The following PHF24 variants were observed in gnomAD, a reference collection of about 807,000 sequenced individuals.
PHF24 encodes Galpha inhibitory interacting protein.
In PHF24, 25 loss-of-function variants were observed where a neutral mutation model predicts 42.6. That is an observed-to-expected ratio of 0.59 (90% CI 0.43 to 0.82). The LOEUF (loss-of-function observed/expected upper bound fraction) is 0.82, where lower values mean the gene tolerates loss of function less well. Among genes scored for constraint, PHF24 ranks in the 40% least tolerant of loss-of-function variants. The pLI, the probability that PHF24 is intolerant of heterozygous loss-of-function variation, is 0.00. For missense variants in PHF24, 470 were observed against 538.1 expected, an observed-to-expected ratio of 0.87 and a Z score of 1.25; for synonymous variants, 185 against 204.8, an observed-to-expected ratio of 0.90 and a Z score of 0.83.
chr9:34,838,440 A>T, the PHF24 span: 2 of 1,312,008 alleles, frequency 1.5e-6, no homozygotes, highest in South Asian at 1.3e-5. Flanking sequence ...AGATGGAGCC[A>T]TAGGTGTATA....
the PHF24 span, among the ~76,000 whole-genome samples, chr9:34,863,332 C>T: frequency 2.0e-5 from 3 of 151,942 alleles, no homozygotes; most frequent in African/African-American, 4.8e-5. Flanking sequence ...GACCCAGTGC[C>T]GTGGTGGCTT....
chr9:34,755,182 A>G, the PHF24 span, among the ~76,000 whole-genome samples: 1 of 152,312 alleles, frequency 6.6e-6, no homozygotes, highest in East Asian at 1.9e-4. Context: ...GTTTAATTGT[A>G]TATTTAAAAG....
chr9:34,728,285 G>C, the PHF24 span, among the ~76,000 whole-genome samples: 2 of 152,228 alleles, frequency 1.3e-5, no homozygotes, highest in Non-Finnish European at 2.9e-5. Flanking sequence ...ACCACAATGT[G>C]ATTGAGGCAG....
chr9:34,892,974 T>C, the PHF24 span: 1 of 710,372 alleles, frequency 1.4e-6, no homozygotes, highest in Non-Finnish European at 2.5e-6. Flanking sequence ...ACACTAGATG[T>C]GGACAAAGCC....
chr9:34,832,633 G>C, the PHF24 span: 1 of 1,541,472 alleles, frequency 6.5e-7, no homozygotes, highest in South Asian at 1.2e-5. Flanking sequence ...TTTGTCTTGG[G>C]GTTAATACAC....
chr9:34,696,220 G>A, the PHF24 span, among the ~76,000 whole-genome samples: 1 of 152,128 alleles, frequency 6.6e-6, no homozygotes, highest in East Asian at 1.9e-4. Context: ...AGGCACAGTG[G>A]CTCACGCCTG....
At chr9:34,971,161 T>G in intron 1 of PHF24, 134 bp from the exon 2 acceptor site, 1 of 767,434 alleles carries the variant, frequency 1.3e-6, no homozygotes, top group Non-Finnish European at 2.0e-6. Context: ...CCTTAACATG[T>G]GCTGTCTCCA....
At chr9:34,866,013 C>T in the PHF24 span, among the ~76,000 whole-genome samples, 1 of 152,156 alleles carries the variant, frequency 6.6e-6, no homozygotes, top group East Asian at 1.9e-4. Flanking sequence ...TCAGTGTTGC[C>T]CTATTCAATT....
intron 3 of PHF24, among the ~76,000 whole-genome samples, chr9:34,972,912 C>CAAA (rs1563934008): frequency 1.5e-5 from 1 of 66,138 alleles, no homozygotes; most frequent in African/African-American, 4.3e-5. Flanking sequence ...GACTCTGTCT[C>CAAA]GAAAAAAAAA....
At chr9:34,969,904 G>A (rs1374110967) in intron 1 of PHF24, among the ~76,000 whole-genome samples, 8 of 152,058 alleles carry the variant, frequency 5.3e-5, no homozygotes, top group South Asian at 2.1e-4. Flanking sequence ...GAGCATAACC[G>A]CCTGTGCATC....
the PHF24 span, among the ~76,000 whole-genome samples, chr9:34,925,249 T>C: frequency 6.6e-6 from 1 of 152,206 alleles, no homozygotes; most frequent in African/African-American, 2.4e-5. Context: ...GCCCCTTATA[T>C]GTGACTTGAC....
At chr9:34,707,262 C>A in the PHF24 span, among the ~76,000 whole-genome samples, 1 of 152,160 alleles carries the variant, frequency 6.6e-6, no homozygotes, top group African/African-American at 2.4e-5. Flanking sequence ...AGAGATATAC[C>A]TGCTGGAACC....
At chr9:34,681,836 G>C in the PHF24 span, among the ~76,000 whole-genome samples, 1 of 152,308 alleles carries the variant, frequency 6.6e-6, no homozygotes, top group Non-Finnish European at 1.5e-5. Context: ...GAAAAAAAAA[G>C]GTTAAATGAG....
chr9:34,867,977 C>T, the PHF24 span, among the ~76,000 whole-genome samples: 1 of 152,266 alleles, frequency 6.6e-6, no homozygotes, highest in Non-Finnish European at 1.5e-5. Flanking sequence ...AACATAAATG[C>T]AGGGGACTGT....
the PHF24 span, among the ~76,000 whole-genome samples, chr9:34,842,154 G>A: frequency 2.0e-5 from 3 of 152,154 alleles, no homozygotes; most frequent in East Asian, 5.8e-4. Context: ...ATGTTGTTTT[G>A]TATATTATTA....
the PHF24 span, among the ~76,000 whole-genome samples, chr9:34,830,560 G>A: frequency 4.6e-5 from 7 of 152,176 alleles, no homozygotes; most frequent in African/African-American, 1.7e-4. Flanking sequence ...AGGAATATGA[G>A]TATGATGGCC....
the PHF24 span, among the ~76,000 whole-genome samples, chr9:34,780,298 C>CTT: frequency 3.3e-3 from 214 of 63,884 alleles, 7 homozygotes; most frequent in Admixed American, 6.3e-3. Context: ...TTCTTTTTTT[C>CTT]TTTTTTTTTT....
At chr9:34,881,290 A>ATT in the PHF24 span, among the ~76,000 whole-genome samples, 2 of 152,188 alleles carry the variant, frequency 1.3e-5, no homozygotes, top group Admixed American at 6.5e-5. Flanking sequence ...TAACATCACA[A>ATT]TTAAAAGAAC....
At chr9:34,807,132 G>T in the PHF24 span, among the ~76,000 whole-genome samples, 1 of 152,204 alleles carries the variant, frequency 6.6e-6, no homozygotes, top group Non-Finnish European at 1.5e-5. Flanking sequence ...ATCTTAGGGA[G>T]ACAGCATTCA....
Sources: gnomAD v4.1 joint callset for allele counts (sites outside exome capture counted in the v4.1 genomes callset) on GRCh38, gnomAD v4.1.1 for gene constraint, MANE v1.5 for transcripts, NCBI Gene and HGNC (gene_info 2026-07-23, HGNC 2026-07-21) for gene names.